The following FSTL5 variants were observed in gnomAD, a reference collection of about 807,000 sequenced individuals.
FSTL5 encodes the protein follistatin like 5, also known as follistatin-related protein 5.
FSTL5 carries 62 observed loss-of-function variants against 89.1 expected under a neutral mutation model. The observed-to-expected ratio is 0.70, with a 90% CI of 0.57 to 0.86. The LOEUF is 0.86. FSTL5 is among the 40% of genes least tolerant of loss of function. The probability of loss-of-function intolerance (pLI) is 0.00; values close to 1 mark genes in which losing one functional copy is unlikely to be tolerated. For synonymous variants in FSTL5, 383 were observed against 346.2 expected (o/e 1.11, Z -1.18); for missense variants, 1,057 against 1,001.6 (o/e 1.06, Z -0.75).
chr4:161,748,167 G>T (rs868483531), intron 6 of FSTL5, among the ~76,000 whole-genome samples: 1 of 152,012 alleles, frequency 6.6e-6, no homozygotes, highest in African/African-American at 2.4e-5. Flanking sequence ...TTGTATAAAA[G>T]TATAAAGATG....
In FSTL5 at chr4:162,131,464, T is replaced by C. The variant is rs188964987; in HGVS notation, c.-16-20052A>G. 2.2e-3 allele frequency among the ~76,000 whole-genome samples: 341 copies of C among 152,340 alleles called. 2 individuals carry two copies. Among genetic ancestry groups the C allele is most frequent in the African/African-American group, 7.6e-3 (314 of 41,588 alleles). ...CACTTAGGAACAAGTTCATTGATCATTTCTAAAATTGGCCATCTGGTGGCT... is the reference window on the plus strand; with the variant it reads ...CACTTAGGAACAAGTTCATTGATCACTTCTAAAATTGGCCATCTGGTGGCT... On this transcript the variant is annotated intron_variant, in intron 1 of 15. Coordinates refer to ENST00000306100, the MANE Select transcript of FSTL5 (RefSeq NM_020116.5).
At chr4:161,760,340 C>A (rs1478097130) in intron 5 of FSTL5, among the ~76,000 whole-genome samples, 3 of 152,138 alleles carry the variant, frequency 2.0e-5, no homozygotes, top group African/African-American at 7.2e-5. Context: ...GTTTTTCATA[C>A]TCTCTCACAT....
At chr4:162,081,413 G>C (rs975748786) in intron 2 of FSTL5, among the ~76,000 whole-genome samples, 5 of 151,490 alleles carry the variant, frequency 3.3e-5, no homozygotes, top group African/African-American at 1.2e-4. Context: ...CTGGCACTTC[G>C]TTACTCAAAG....
chr4:161,572,623 T>A (rs887440903), intron 8 of FSTL5, among the ~76,000 whole-genome samples: 1 of 152,294 alleles, frequency 6.6e-6, no homozygotes, highest in African/African-American at 2.4e-5. Context: ...TATAGCAATA[T>A]AAACTTTCTA....
chr4:161,483,071 C>T (rs1044343685), intron 12 of FSTL5, among the ~76,000 whole-genome samples: 1 of 152,186 alleles, frequency 6.6e-6, no homozygotes, highest in South Asian at 2.1e-4. Flanking sequence ...CCTTGGCACT[C>T]TTAAGGAGGC....
intron 7 of FSTL5, among the ~76,000 whole-genome samples, chr4:161,651,209 C>A (rs966369593): frequency 2.0e-5 from 3 of 151,444 alleles, no homozygotes; most frequent in Non-Finnish European, 4.4e-5. Flanking sequence ...GGATCCAGGA[C>A]ACAGATACAG....
chr4:161,998,857 A>AAC (rs10585971), intron 3 of FSTL5, among the ~76,000 whole-genome samples: 47,709 of 146,294 alleles, frequency 0.33, 7,610 homozygotes, highest in Middle Eastern at 0.48. Flanking sequence ...ACACACACAC[A>AAC]ACACACACAC....
rs1425003243 is a variant in FSTL5, at chr4:161,387,234, TATTAAACAAA to T, written c.1842-795_1842-786del. On this transcript the variant is annotated intron_variant, in intron 15 of 15. Coordinates refer to ENST00000306100, the MANE Select transcript of FSTL5 (RefSeq NM_020116.5). ...AAACAAGATACAATGAGATAGAAACTATTAAACAAAATTAAACAAAATTATATCCAAAGTA... is the reference window on the plus strand; with the variant it reads ...AAACAAGATACAATGAGATAGAAACTATTAAACAAAATTATATCCAAAGTA... 7.2e-5 allele frequency: 11 copies of T among 152,196 alleles called. No individual in the cohort carries two copies. In the East Asian group the frequency reaches 1.7e-3, roughly 24 times the overall value. 9.4% of individuals were successfully genotyped at this position (152,196 alleles called of 1,614,324 possible).
intron 8 of FSTL5, among the ~76,000 whole-genome samples, chr4:161,577,596 C>T (rs78315622): frequency 0.033 from 4,949 of 151,216 alleles, 272 homozygotes; most frequent in African/African-American, 0.11. Context: ...ACTAAGGATA[C>T]GAGAAGTTGG....
chr4:161,514,020 A>T (rs1007357406), intron 10 of FSTL5, among the ~76,000 whole-genome samples: 2 of 152,210 alleles, frequency 1.3e-5, no homozygotes, highest in African/African-American at 4.8e-5. Context: ...ACATGATATT[A>T]GTTTGTCAAT....
intron 7 of FSTL5, among the ~76,000 whole-genome samples, chr4:161,652,989 C>T (rs1736393431): frequency 6.6e-6 from 1 of 152,018 alleles, no homozygotes; most frequent in African/African-American, 2.4e-5. Flanking sequence ...AGTCTTTCAA[C>T]ACATCAGAAA....
chr4:161,633,097 T>C (rs963173331), intron 7 of FSTL5, among the ~76,000 whole-genome samples: 25 of 151,194 alleles, frequency 1.7e-4, no homozygotes, highest in African/African-American at 6.1e-4. Flanking sequence ...ACAATGTTTC[T>C]AAAATAGGTA....
At chr4:161,563,793 T>C (rs1234582852) in intron 8 of FSTL5, among the ~76,000 whole-genome samples, 1 of 152,034 alleles carries the variant, frequency 6.6e-6, no homozygotes, top group Non-Finnish European at 1.5e-5. Flanking sequence ...AAAGTTATTG[T>C]ATAATTTAGA....
chr4:162,116,867 T>A (rs1237854871), intron 1 of FSTL5, among the ~76,000 whole-genome samples: 1 of 152,162 alleles, frequency 6.6e-6, no homozygotes, highest in Non-Finnish European at 1.5e-5. Context: ...TTTTCAGAGG[T>A]AAGTCCAACC....
intron 4 of FSTL5, among the ~76,000 whole-genome samples, chr4:161,813,437 G>A (rs1730229252): frequency 6.6e-6 from 1 of 152,140 alleles, no homozygotes. Flanking sequence ...GGGGGGCGGG[G>A]AGCATGTTGT....
chr4:161,888,281 G>A (rs879338981), intron 4 of FSTL5, among the ~76,000 whole-genome samples: 1 of 152,122 alleles, frequency 6.6e-6, no homozygotes, highest in Non-Finnish European at 1.5e-5. Context: ...CCTTGTAGGA[G>A]TGATCTTCAT....
chr4:161,472,817 T>C (rs7680632), intron 13 of FSTL5, among the ~76,000 whole-genome samples: 84,307 of 151,388 alleles, frequency 0.56, 24,688 homozygotes, highest in African/African-American at 0.75. Context: ...CTCTGCCTCC[T>C]GGGTTCAAGC....
At chr4:161,772,585 A>G (rs1434822970) in intron 5 of FSTL5, among the ~76,000 whole-genome samples, 3 of 152,258 alleles carry the variant, frequency 2.0e-5, no homozygotes, top group Non-Finnish European at 2.9e-5. Context: ...CAAGAACTCA[A>G]TGCCTTTTAC....
chr4:161,877,387 T>A (rs1429052251), intron 4 of FSTL5, among the ~76,000 whole-genome samples: 1 of 145,336 alleles, frequency 6.9e-6, no homozygotes, highest in Non-Finnish European at 1.5e-5. Context: ...TATTAAAAAT[T>A]ACTATGATAA....
Sources: allele counts gnomAD v4.1 joint callset (sites outside exome capture counted in the v4.1 genomes callset), GRCh38; gene constraint gnomAD v4.1.1; transcripts MANE v1.5; gene names NCBI Gene and HGNC (gene_info 2026-07-23, HGNC 2026-07-21).